Variants in ASTN2 observed in about 807,000 individuals in gnomAD.
ASTN2 encodes astrotactin-2.
Under a neutral mutation model 139.8 loss-of-function variants are expected in ASTN2, and 54 were observed. The ratio of observed to expected loss-of-function variants is 0.39; its 90% confidence interval spans 0.31 to 0.48. ASTN2 has a LOEUF of 0.48. ASTN2 is among the 20% of genes least tolerant of loss of function. The pLI is 0.95. For missense variants in ASTN2, 1,565 were observed against 1,725.1 expected, an observed-to-expected ratio of 0.91 and a Z score of 1.64; for synonymous variants, 756 against 719.5, an observed-to-expected ratio of 1.05 and a Z score of -0.81.
intron 1 of ASTN2, among the ~76,000 whole-genome samples, chr9:117,303,160 C>A (rs1175936701): frequency 1.3e-5 from 2 of 152,148 alleles, no homozygotes; most frequent in Non-Finnish European, 2.9e-5. Context: ...ATTCTCATGA[C>A]TTTTGCTAGA....
chr9:116,531,460 G>A (rs1038068361), intron 19 of ASTN2, among the ~76,000 whole-genome samples: 4 of 152,072 alleles, frequency 2.6e-5, no homozygotes, highest in African/African-American at 9.7e-5. Context: ...TCGGTGTGTT[G>A]CACCCATTAA....
intron 1 of ASTN2, among the ~76,000 whole-genome samples, chr9:117,311,711 A>G (rs1452345775): frequency 6.6e-6 from 1 of 152,192 alleles, no homozygotes; most frequent in Non-Finnish European, 1.5e-5. Flanking sequence ...ACACACACAG[A>G]GATACACACT....
intron 20 of ASTN2, among the ~76,000 whole-genome samples, chr9:116,454,262 G>T (rs543323769): frequency 3.2e-4 from 49 of 152,194 alleles, no homozygotes; most frequent in Non-Finnish European, 6.2e-4. Context: ...CTATAAAAAA[G>T]ACTATACCCT....
At chr9:116,598,269 G>A (rs1328836536) in intron 19 of ASTN2, among the ~76,000 whole-genome samples, 22 of 152,146 alleles carry the variant, frequency 1.4e-4, no homozygotes. Context: ...AATGGAATTG[G>A]TAAATAAATC....
At chr9:116,659,631 G>A (rs1013972727) in intron 16 of ASTN2, among the ~76,000 whole-genome samples, 1 of 152,108 alleles carries the variant, frequency 6.6e-6, no homozygotes. Flanking sequence ...TACAGGATGA[G>A]TCATATCCGT....
At chr9:116,532,976 T>C (rs1851427401) in intron 19 of ASTN2, among the ~76,000 whole-genome samples, 1 of 152,230 alleles carries the variant, frequency 6.6e-6, no homozygotes, top group Non-Finnish European at 1.5e-5. Flanking sequence ...GCAATATTGA[T>C]TCTTCCTATC....
chr9:116,801,493 C>T (rs1363418254), intron 13 of ASTN2, among the ~76,000 whole-genome samples: 3 of 141,124 alleles, frequency 2.1e-5, no homozygotes, highest in East Asian at 2.3e-4. Context: ...GCAGGAGAAT[C>T]GCGTGAACCT....
Position 116,898,191 on chromosome 9 carries a change from G to A in ASTN2, c.1890-34458C>T, listed in dbSNP as rs1239986142. Reference sequence around the variant, plus strand: ...GGAGGCCAAGGTGGAAGGATCGCTTGAGTGCAGAAGTTTGAGACCACCCTG... The same window carrying A: ...GGAGGCCAAGGTGGAAGGATCGCTTAAGTGCAGAAGTTTGAGACCACCCTG... On this transcript the variant is annotated intron_variant, in intron 10 of 22. Transcript: ENST00000313400. Among the ~76,000 whole-genome samples the A allele has an allele frequency of 5.9e-5, 9 of 152,070 alleles. 1 individual carries two copies. The highest frequency in any genetic ancestry group is 5.9e-4 in the Admixed American group (9 of 15,264).
intron 5 of ASTN2, among the ~76,000 whole-genome samples, chr9:117,057,638 A>G (rs1257462822): frequency 2.0e-5 from 3 of 152,234 alleles, no homozygotes; most frequent in Non-Finnish European, 4.4e-5. Flanking sequence ...AGCTGTGCTT[A>G]GAGTAGAAGT....
intron 11 of ASTN2, 145 bp downstream of exon 11, chr9:116,863,437 AG>A (rs1482459659): frequency 1.0e-6 from 1 of 964,652 alleles, no homozygotes; most frequent in African/African-American, 1.6e-5. Flanking sequence ...AAACCAAGGT[AG>A]GCTGGCATAC....
At chr9:117,160,971 A>G in intron 3 of ASTN2, among the ~76,000 whole-genome samples, 1 of 152,028 alleles carries the variant, frequency 6.6e-6, no homozygotes. Context: ...ATACACACAC[A>G]CAAATGGTCC....
intron 1 of ASTN2, among the ~76,000 whole-genome samples, chr9:117,299,956 T>C (rs1184257617): frequency 1.3e-5 from 2 of 152,224 alleles, no homozygotes; most frequent in East Asian, 3.8e-4. Context: ...TCTATGATTT[T>C]CTTTACTTGT....
At chr9:116,611,838 T>G (rs1258754992) in intron 19 of ASTN2, 3 of 152,164 alleles carry the variant, frequency 2.0e-5, no homozygotes, top group Non-Finnish European at 4.4e-5. Flanking sequence ...AAAAAAATAC[T>G]ATCAATTTTA....
At chr9:116,889,908 G>T (rs961052235) in intron 10 of ASTN2, among the ~76,000 whole-genome samples, 15 of 152,088 alleles carry the variant, frequency 9.9e-5, no homozygotes, top group Non-Finnish European at 1.3e-4. Flanking sequence ...TCCAGCCTAG[G>T]CAACAAAGCA....
chr9:117,303,544 C>T (rs1429012100), intron 1 of ASTN2, among the ~76,000 whole-genome samples: 2 of 152,160 alleles, frequency 1.3e-5, no homozygotes, highest in African/African-American at 4.8e-5. Context: ...TTGATGCAGC[C>T]AAACCAGGAC....
At chr9:116,891,435 T>C (rs1476518180) in intron 10 of ASTN2, among the ~76,000 whole-genome samples, 2 of 152,266 alleles carry the variant, frequency 1.3e-5, no homozygotes, top group Non-Finnish European at 2.9e-5. Context: ...GTGTTTACTA[T>C]GTGTCAAGCA....
At chr9:116,944,433 C>A (rs1046165953) in intron 10 of ASTN2, among the ~76,000 whole-genome samples, 1 of 151,960 alleles carries the variant, frequency 6.6e-6, no homozygotes, top group Non-Finnish European at 1.5e-5. Context: ...GTAATCCCAG[C>A]ACTTTGGGAG....
chr9:117,249,037 C>T (rs893402598), intron 2 of ASTN2, among the ~76,000 whole-genome samples: 6 of 152,190 alleles, frequency 3.9e-5, no homozygotes, highest in Non-Finnish European at 7.3e-5. Context: ...ACAAGTCTTG[C>T]TTTCTAATAA....
Position 117,156,943 on chromosome 9 carries a change from G to C in ASTN2, c.1016-15465C>G, listed in dbSNP as rs148465125. Among the ~76,000 whole-genome samples, 15 of 152,134 alleles carry C rather than the reference G, an allele frequency of 9.9e-5. No individual in the cohort carries two copies. In the East Asian group the frequency reaches 2.9e-3, roughly 30 times the overall value. On this transcript the variant is annotated intron_variant, in intron 3 of 22. Coordinates refer to ENST00000313400, the MANE Select transcript of ASTN2 (RefSeq NM_001365068.1). ...GCCTCAACATGTATGAGGTTAGGAA[G>C]GTGCCACTCCCAACTCCATTTATTC...
Sources: gnomAD v4.1 joint callset for allele counts (sites outside exome capture counted in the v4.1 genomes callset) on GRCh38, gnomAD v4.1.1 for gene constraint, MANE v1.5 for transcripts, NCBI Gene and HGNC (gene_info 2026-07-23, HGNC 2026-07-21) for gene names.